Variants in NCALD observed in about 807,000 individuals in gnomAD.
NCALD encodes neurocalcin-delta.
A neutral mutation model predicts 18.6 loss-of-function variants in NCALD; 10 were observed. The ratio of observed to expected loss-of-function variants is 0.54; its 90% confidence interval spans 0.33 to 0.91. NCALD has a LOEUF of 0.91. Ranked by LOEUF, NCALD falls within the 40% of genes least tolerant of loss-of-function variation. The pLI, the probability that NCALD is intolerant of heterozygous loss-of-function variation, is 0.03. For synonymous variants in NCALD, 88 were observed against 87.4 expected (o/e 1.01, Z -0.04); for missense variants, 184 against 247.6 (o/e 0.74, Z 1.72).
At chr8:101,709,796 C>T (rs559987647) in intron 2 of NCALD, among the ~76,000 whole-genome samples, 2 of 152,314 alleles carry the variant, frequency 1.3e-5, no homozygotes, top group African/African-American at 4.8e-5. Context: ...AGAATTCTTC[C>T]TCTTGAGTGG....
chr8:101,807,107 G>A (rs762136672), intron 4 of NCALD, among the ~76,000 whole-genome samples: 32 of 151,884 alleles, frequency 2.1e-4, no homozygotes, highest in Non-Finnish European at 3.7e-4. Context: ...CTAGATAAAC[G>A]AAAACAGACC....
At chr8:102,020,719 C>A (rs184561681) in intron 1 of NCALD, among the ~76,000 whole-genome samples, 40 of 152,324 alleles carry the variant, frequency 2.6e-4, no homozygotes, top group Non-Finnish European at 4.9e-4. Context: ...TCTCCTGGAA[C>A]CCCTTCCACA....
chr8:101,943,409 C>T (rs1052621630), intron 2 of NCALD, among the ~76,000 whole-genome samples: 4 of 152,132 alleles, frequency 2.6e-5, no homozygotes, highest in Non-Finnish European at 5.9e-5. Context: ...GGCATTATTC[C>T]CCGTTCCTCT....
In NCALD at chr8:102,065,254, C is replaced by CT. The variant is rs202091384; in HGVS notation, c.-209-44966dup. ...TGGTCCTGATGTGAATCAGTGAAGG[C>CT]TCTTTTTTTTTTCATATCTGCCCAT... On this transcript the variant is annotated intron_variant, in intron 1 of 6. Transcript: ENST00000311028. 8.0e-3 allele frequency among the ~76,000 whole-genome samples: 1,167 copies of CT among 145,210 alleles called. 8 individuals carry two copies. Among genetic ancestry groups the CT allele is most frequent in the Non-Finnish European group, 0.01 (666 of 65,990 alleles).
chr8:101,963,289 AG>A (rs1819901212), intron 2 of NCALD, among the ~76,000 whole-genome samples: 1 of 152,164 alleles, frequency 6.6e-6, no homozygotes, highest in Admixed American at 6.5e-5. Context: ...CCAGAACCTA[AG>A]AAACTATTAA....
At chr8:102,040,760 C>T (rs1480562882) in intron 1 of NCALD, among the ~76,000 whole-genome samples, 1 of 152,176 alleles carries the variant, frequency 6.6e-6, no homozygotes, top group Non-Finnish European at 1.5e-5. Context: ...CTATGATCAG[C>T]ATTACATAGC....
At chr8:102,012,510 C>T (rs1412105787) in intron 2 of NCALD, among the ~76,000 whole-genome samples, 3 of 152,242 alleles carry the variant, frequency 2.0e-5, no homozygotes, top group Non-Finnish European at 4.4e-5. Context: ...GAGGCCAGAG[C>T]CTGCTACACA....
rs144369513 is a variant in NCALD at position 101,857,489 on chromosome 8, A to G, written c.-20+29652T>C. Reference sequence around the variant, plus strand: ...TTCAAGCATAAAGCCCAAAGAAATAATATAATAGGGACTTCAGACTTCTTT... The same window carrying G: ...TTCAAGCATAAAGCCCAAAGAAATAGTATAATAGGGACTTCAGACTTCTTT... On this transcript the variant is annotated intron_variant, in intron 4 of 6. Coordinates refer to the NCALD transcript ENST00000311028. 8.7e-4 allele frequency among the ~76,000 whole-genome samples: 133 copies of G among 152,312 alleles called. 1 individual carries two copies. Among genetic ancestry groups the G allele is most frequent in the African/African-American group, 2.6e-3 (109 of 41,570 alleles).
chr8:101,795,075 A>C (rs1036676221), upstream of NCALD, among the ~76,000 whole-genome samples: 10 of 152,336 alleles, frequency 6.6e-5, no homozygotes, highest in African/African-American at 2.4e-4. Context: ...TCCTGAATAC[A>C]ACTATGCCTA....
At chr8:101,865,242 C>G (rs1427435241) in intron 4 of NCALD, among the ~76,000 whole-genome samples, 1 of 152,094 alleles carries the variant, frequency 6.6e-6, no homozygotes, top group Admixed American at 6.6e-5. Context: ...AATTTTATAC[C>G]AAGGAACCAA....
At chr8:102,012,754 T>C (rs1821949712) in intron 2 of NCALD, among the ~76,000 whole-genome samples, 1 of 152,162 alleles carries the variant, frequency 6.6e-6, no homozygotes, top group Admixed American at 6.5e-5. Flanking sequence ...CTGAAACAAG[T>C]CTACCCATTC....
intron 2 of NCALD, among the ~76,000 whole-genome samples, chr8:101,980,728 A>C (rs962781006): frequency 6.6e-6 from 1 of 152,222 alleles, no homozygotes; most frequent in Admixed American, 6.5e-5. Flanking sequence ...AAACAAAAGT[A>C]CTTTCTGATG....
intron 2 of NCALD, among the ~76,000 whole-genome samples, chr8:101,696,240 G>C (rs1814986085): frequency 6.6e-6 from 1 of 152,180 alleles, no homozygotes; most frequent in Non-Finnish European, 1.5e-5. Context: ...CAACTAATGT[G>C]TACCAGGTAT....
At chr8:101,919,011 T>C (rs1159719287) in intron 2 of NCALD, among the ~76,000 whole-genome samples, 1 of 152,090 alleles carries the variant, frequency 6.6e-6, no homozygotes, top group East Asian at 1.9e-4. Context: ...GAAATTCATA[T>C]AGAACCAAAT....
intron 4 of NCALD, among the ~76,000 whole-genome samples, chr8:101,831,938 A>G (rs59933698): frequency 0.034 from 5,117 of 152,298 alleles, 298 homozygotes; most frequent in African/African-American, 0.11. Flanking sequence ...TTCACAGAGC[A>G]GCTCTTTTCT....
At chr8:101,978,407 TA>T (rs1323508005) in intron 2 of NCALD, among the ~76,000 whole-genome samples, 1 of 152,238 alleles carries the variant, frequency 6.6e-6, no homozygotes, top group African/African-American at 2.4e-5. Context: ...CTAAGTGCTT[TA>T]CATAAATTGT....
At chr8:101,732,507 G>A (rs1816879852) in intron 1 of NCALD, among the ~76,000 whole-genome samples, 1 of 147,424 alleles carries the variant, frequency 6.8e-6, no homozygotes, top group Admixed American at 6.8e-5. Flanking sequence ...GAATCTTTTT[G>A]TAAAAATAGT....
chr8:101,865,901 G>A (rs1407050357), intron 4 of NCALD, among the ~76,000 whole-genome samples: 1 of 152,134 alleles, frequency 6.6e-6, no homozygotes, highest in Non-Finnish European at 1.5e-5. Context: ...TCAAGTGGAT[G>A]GGGATGGTTC....
At chr8:102,073,795 A>G (rs1824257269) in intron 1 of NCALD, among the ~76,000 whole-genome samples, 1 of 152,140 alleles carries the variant, frequency 6.6e-6, no homozygotes, top group East Asian at 1.9e-4. Flanking sequence ...CTGTACCTTC[A>G]TGGTGATTTT....
Sources: allele counts gnomAD v4.1 joint callset (sites outside exome capture counted in the v4.1 genomes callset), GRCh38; gene constraint gnomAD v4.1.1; transcripts MANE v1.5; gene names NCBI Gene and HGNC (gene_info 2026-07-23, HGNC 2026-07-21).